CUX1: variants seen among roughly 807,000 people sequenced by gnomAD.
CUX1 encodes the protein protein CASP.
A neutral mutation model predicts 158.8 loss-of-function variants in CUX1; 31 were observed. The ratio of observed to expected loss-of-function variants is 0.20; its 90% CI spans 0.15 to 0.26. CUX1 has a LOEUF of 0.26. CUX1 is among the 10% of genes least tolerant of loss of function. The probability of loss-of-function intolerance (pLI) is 1.00; values close to 1 mark genes in which losing one functional copy is unlikely to be tolerated. For missense variants in CUX1, 1,589 were observed against 2,014.6 expected, an observed-to-expected ratio of 0.79 and a Z score of 4.04; for synonymous variants, 879 against 862.1, an observed-to-expected ratio of 1.02 and a Z score of -0.34.
intron 1 of CUX1, among the ~76,000 whole-genome samples, chr7:101,862,164 A>T (rs1354741161): frequency 6.6e-6 from 1 of 151,866 alleles, no homozygotes; most frequent in Non-Finnish European, 1.5e-5. Flanking sequence ...ATTTCCTTTG[A>T]ATTTTTTTTT....
rs56788228 is a variant in CUX1, at chr7:102,215,838, G to A, written c.3130+10668G>A. On this transcript the variant is annotated intron_variant, in intron 20 of 23. Transcript: ENST00000292535. ...TCCCATTGCAGCCCAGACATTACCC[G>A]CACACTGGGCCAACAGGCAGCATCA... Among the ~76,000 whole-genome samples, 273 of 152,252 alleles carry A rather than the reference G, an allele frequency of 1.8e-3. 1 individual carries two copies. Among genetic ancestry groups the A allele is most frequent in the African/African-American group, 6.3e-3 (261 of 41,556 alleles).
chr7:101,994,853 G>C (rs1815634522), intron 2 of CUX1, among the ~76,000 whole-genome samples: 1 of 150,760 alleles, frequency 6.6e-6, no homozygotes. Flanking sequence ...ACTTTGGAAG[G>C]CTGAAGCAGG....
chr7:102,281,324 C>G (rs541376722), intron 20 of CUX1, among the ~76,000 whole-genome samples: 1 of 151,818 alleles, frequency 6.6e-6, no homozygotes, highest in Non-Finnish European at 1.5e-5. Flanking sequence ...GAGCTGTGAC[C>G]ACTACATTCC....
intron 10 of CUX1, among the ~76,000 whole-genome samples, chr7:102,176,961 T>TTA (rs1792436470): frequency 2.0e-5 from 3 of 151,498 alleles, no homozygotes; most frequent in African/African-American, 7.3e-5. Flanking sequence ...TTTTTTTTTT[T>TTA]AATACCTTAG....
At chr7:101,939,680 GA>G (rs1055955263) in intron 2 of CUX1, among the ~76,000 whole-genome samples, 1 of 151,962 alleles carries the variant, frequency 6.6e-6, no homozygotes, top group African/African-American at 2.4e-5. Flanking sequence ...AAAAAAATAC[GA>G]AAATTATTGG....
chr7:101,992,663 C>T (rs973454209), intron 2 of CUX1, among the ~76,000 whole-genome samples: 1 of 152,112 alleles, frequency 6.6e-6, no homozygotes, highest in African/African-American at 2.4e-5. Context: ...TAGAGAAGCT[C>T]AGGTACCAGT....
At chr7:102,200,568 T>C (rs977448521) in intron 17 of CUX1, among the ~76,000 whole-genome samples, 6 of 152,162 alleles carry the variant, frequency 3.9e-5, no homozygotes, top group African/African-American at 1.4e-4. Context: ...CTCGAACTCC[T>C]GACCTCCAGT....
At chr7:101,976,900 A>ATTTT (rs10643207) in intron 2 of CUX1, among the ~76,000 whole-genome samples, 1,241 of 39,448 alleles carry the variant, frequency 0.031, 344 homozygotes, top group African/African-American at 0.12. Context: ...TCCCTTTCTG[A>ATTTT]TTTTTTTTTT....
At chr7:102,016,570 C>A (rs897001175) in intron 2 of CUX1, among the ~76,000 whole-genome samples, 5 of 152,236 alleles carry the variant, frequency 3.3e-5, no homozygotes, top group Admixed American at 2.0e-4. Context: ...CATGACCACA[C>A]CCCTGCACTC....
intron 1 of CUX1, among the ~76,000 whole-genome samples, chr7:101,838,887 C>T (rs1027014005): frequency 1.3e-5 from 2 of 152,148 alleles, no homozygotes; most frequent in Non-Finnish European, 2.9e-5. Flanking sequence ...GGGGTGGCTT[C>T]ACATATTTAC....
In CUX1 at chr7:102,196,805, T is replaced by C. The variant is rs141633268; in HGVS notation, c.1394T>C (p.Leu465Pro). 2.5e-6 allele frequency: 4 copies of C among 1,614,070 alleles called. No homozygotes were observed. The highest frequency in any genetic ancestry group is 3.4e-6 in the Non-Finnish European group (4 of 1,180,050). Residue 465 changes from leucine to proline, a missense_variant, in exon 15 of 24, where the codon CTG (leucine) becomes CCG (proline). This residue lies in a region of CUX1 where 515 missense variants were observed against 574.4 expected (regional missense o/e 0.90). Transcript: ENST00000292535. ...AGTCAAGACTTTTTCAGCTCATCCC[T>C]GGCAAGCCCCAGCCTACCCCTGGCT... ...GLSQDFFSSS[L>P]ASPSLPLAST...
chr7:101,927,980 C>T (rs932775022), intron 2 of CUX1, among the ~76,000 whole-genome samples: 2 of 152,186 alleles, frequency 1.3e-5, no homozygotes, highest in Non-Finnish European at 2.9e-5. Flanking sequence ...GCTGAAACGT[C>T]AACAAGGCCG....
intron 1 of CUX1, among the ~76,000 whole-genome samples, chr7:101,831,352 G>A (rs1462496055): frequency 6.6e-6 from 1 of 151,748 alleles, no homozygotes; most frequent in Non-Finnish European, 1.5e-5. Flanking sequence ...GTGCAGTGGT[G>A]CAATCTCGGC....
intron 1 of CUX1, among the ~76,000 whole-genome samples, chr7:101,821,955 C>T (rs2970472): frequency 0.96 from 140,446 of 145,678 alleles, 67,670 homozygotes; most frequent in East Asian, 0.99. Context: ...CCCGGGTTCA[C>T]GCCATTCTCC....
chr7:102,154,134 T>G (rs1293514053), intron 8 of CUX1: 1 of 151,276 alleles, frequency 6.6e-6, no homozygotes, highest in African/African-American at 2.4e-5. Context: ...AGACCCCATC[T>G]CTATAAACAA....
intron 3 of CUX1, 152 bp downstream of exon 3, chr7:102,028,297 T>A: frequency 1.4e-6 from 1 of 717,014 alleles, no homozygotes; most frequent in Non-Finnish European, 2.3e-6. Context: ...TTTTGCGCTC[T>A]GTGATGTGAT....
chr7:102,111,692 T>A lies in CUX1; in HGVS notation c.531-6T>A. The A allele has an allele frequency of 6.2e-7, 1 of 1,614,122 alleles. No individual in the cohort carries two copies. Among genetic ancestry groups the A allele is most frequent in the Non-Finnish European group, 8.5e-7 (1 of 1,179,952 alleles). ...ACCAATTTGGCTTCGTCCTCTTCCT[T>A]TGCAGAAAGCTGCAGGAGACACAGA... On this transcript the variant is annotated splice_polypyrimidine_tract_variant and splice_region_variant and intron_variant, in intron 6 of 23. Transcript: ENST00000292535.
At chr7:102,225,861 C>T (rs1798297288) in intron 20 of CUX1, among the ~76,000 whole-genome samples, 1 of 152,194 alleles carries the variant, frequency 6.6e-6, no homozygotes, top group Non-Finnish European at 1.5e-5. Context: ...GAGCAGAGAG[C>T]ATGGCCTGGG....
At chr7:102,125,923 G>A (rs1832589045) in intron 8 of CUX1, 1 of 151,976 alleles carries the variant, frequency 6.6e-6, no homozygotes, top group South Asian at 2.1e-4. Context: ...CCGCCTCCTG[G>A]GTTCAAGCAA....
Sources: gnomAD v4.1 joint callset for allele counts (sites outside exome capture counted in the v4.1 genomes callset) on GRCh38, gnomAD v4.1.1 for gene constraint, gnomAD v4.1.1 regional missense constraint, MANE v1.5 for transcripts, NCBI Gene and HGNC (gene_info 2026-07-23, HGNC 2026-07-21) for gene names.